NCOR2: variants seen among roughly 807,000 people sequenced by gnomAD.
NCOR2 encodes CTG repeat protein 26.
NCOR2 carries 81 observed loss-of-function variants against 262.9 expected under a neutral mutation model. The observed-to-expected ratio is 0.31, with a 90% CI of 0.26 to 0.37. The LOEUF is 0.37. Ranked by LOEUF, NCOR2 falls within the 10% of genes least tolerant of loss-of-function variation. The pLI is 1.00. For synonymous variants in NCOR2, 1,659 were observed against 1,559.3 expected, an observed-to-expected ratio of 1.06 and a Z score of -1.51; for missense variants, 3,385 against 3,621.4, an observed-to-expected ratio of 0.93 and a Z score of 1.68.
At chr12:124,421,909 C>T (rs950480369) in intron 12 of NCOR2, among the ~76,000 whole-genome samples, 4 of 152,200 alleles carry the variant, frequency 2.6e-5, no homozygotes, top group African/African-American at 4.8e-5. Context: ...GGAGCTGCTC[C>T]GGGCCTGGGC....
upstream of NCOR2, among the ~76,000 whole-genome samples, chr12:124,499,911 C>A (rs938659383): frequency 3.3e-5 from 5 of 152,090 alleles, no homozygotes; most frequent in African/African-American, 1.2e-4. Flanking sequence ...ATCAGGGCAA[C>A]AGCGACAGAG....
intron 15 of NCOR2, among the ~76,000 whole-genome samples, chr12:124,398,499 C>T (rs1263581952): frequency 1.3e-5 from 2 of 152,232 alleles, no homozygotes; most frequent in African/African-American, 4.8e-5. Flanking sequence ...GAAGGGGACA[C>T]TGAAGCAGTC....
At chr12:124,412,908 C>G (rs151213606) in intron 13 of NCOR2, among the ~76,000 whole-genome samples, 2 of 152,050 alleles carry the variant, frequency 1.3e-5, no homozygotes, top group South Asian at 2.1e-4. Flanking sequence ...CAAAGCAGAC[C>G]TTGGCCTCAG....
chr12:124,400,830 G>A (rs1322870287), intron 14 of NCOR2, among the ~76,000 whole-genome samples, 157 bp from the exon 17 acceptor site: 2 of 152,232 alleles, frequency 1.3e-5, no homozygotes, highest in African/African-American at 4.8e-5. Flanking sequence ...AGGTGAGGGT[G>A]GCCAGGGGCA....
At chr12:124,479,702 A>C (rs2047335862) in intron 3 of NCOR2, among the ~76,000 whole-genome samples, 1 of 152,262 alleles carries the variant, frequency 6.6e-6, no homozygotes. Context: ...TGTAACAACA[A>C]AACAAAACAA....
At chr12:124,384,458 G>A (rs573657845) in intron 17 of NCOR2, among the ~76,000 whole-genome samples, 2 of 152,340 alleles carry the variant, frequency 1.3e-5, no homozygotes, top group East Asian at 3.9e-4. Context: ...AAGTGATGGG[G>A]AGGGGCCTCC....
At chr12:124,354,251 G>A (rs2037761115) in intron 26 of NCOR2, 55 bp from the exon 29 acceptor site, 14 of 1,514,034 alleles carry the variant, frequency 9.2e-6, no homozygotes, top group Middle Eastern at 1.7e-4. Context: ...TCCTTCCCCA[G>A]GCCCCAGTCC....
At chr12:124,558,272 C>CA (rs958096062) in intron 1 of NCOR2, among the ~76,000 whole-genome samples, 7 of 151,444 alleles carry the variant, frequency 4.6e-5, no homozygotes, top group Non-Finnish European at 5.9e-5. Context: ...ACCCACCCCC[C>CA]CTCCAGACCT....
Position 124,464,883 on chromosome 12 carries a change from C to T in NCOR2, c.705+1290G>A, listed in dbSNP as rs1015048119. 1.3e-4 allele frequency among the ~76,000 whole-genome samples: 20 copies of T among 152,328 alleles called. No homozygotes were observed. In the East Asian group the frequency reaches 3.7e-3, roughly 28 times the overall value. ...AAGGATGTGTGGCCCCTTGGCTCTCCTATGACTGTTACTAGTGGTGCTTGG... is the reference window on the plus strand; with the variant it reads ...AAGGATGTGTGGCCCCTTGGCTCTCTTATGACTGTTACTAGTGGTGCTTGG... On this transcript the variant is annotated intron_variant, in intron 5 of 46. Transcript: ENST00000405201.
exon 47 of NCOR2, chr12:124,324,486 C>G (rs1055878): frequency 6.6e-6 from 1 of 152,226 alleles, no homozygotes; most frequent in Admixed American, 6.5e-5. Flanking sequence ...GCGCAGATGG[C>G]GGCCACAGAA....
intron 1 of NCOR2, among the ~76,000 whole-genome samples, chr12:124,509,583 T>C (rs1207705911): frequency 1.3e-5 from 2 of 152,134 alleles, no homozygotes; most frequent in Non-Finnish European, 2.9e-5. Context: ...CTAGGTCCCT[T>C]ATCCATGTAG....
At chr12:124,411,207 T>C (rs1414081693) in intron 13 of NCOR2, among the ~76,000 whole-genome samples, 1 of 140,946 alleles carries the variant, frequency 7.1e-6, no homozygotes, top group Middle Eastern at 3.5e-3. Flanking sequence ...CACAGAGAAA[T>C]AGAAAGAGGG....
upstream of NCOR2, among the ~76,000 whole-genome samples, chr12:124,500,182 C>T (rs1311137432): frequency 6.6e-6 from 1 of 151,984 alleles, no homozygotes; most frequent in Non-Finnish European, 1.5e-5. Flanking sequence ...AACGGGGACA[C>T]CAAGGGCCCA....
chr12:124,405,786 A>G (rs767295025), intron 13 of NCOR2, among the ~76,000 whole-genome samples: 1 of 152,074 alleles, frequency 6.6e-6, no homozygotes, highest in Non-Finnish European at 1.5e-5. Flanking sequence ...TCAGCCCCCA[A>G]AGCCTTCTAT....
At chr12:124,515,349 G>C (rs2049668273) in intron 1 of NCOR2, among the ~76,000 whole-genome samples, 3 of 150,894 alleles carry the variant, frequency 2.0e-5, no homozygotes, top group Admixed American at 1.3e-4. Context: ...CTCCAGCCTG[G>C]GTGACGGAGT....
chr12:124,340,190 T>TGCTGCCGCC (rs758952375), exon 37 of NCOR2: 1 of 1,608,686 alleles, frequency 6.2e-7, no homozygotes, highest in Non-Finnish European at 8.5e-7. Context: ...CTGCTGCCGC[T>TGCTGCCGCC]GCTCTGCTCT....
intron 8 of NCOR2, among the ~76,000 whole-genome samples, chr12:124,431,074 C>T (rs1231504050): frequency 6.6e-6 from 1 of 152,016 alleles, no homozygotes; most frequent in Non-Finnish European, 1.5e-5. Flanking sequence ...CAGTCACAGA[C>T]ATGCACATAC....
chr12:124,554,468 C>T (rs1205096633), intron 1 of NCOR2, among the ~76,000 whole-genome samples: 1 of 152,198 alleles, frequency 6.6e-6, no homozygotes, highest in African/African-American at 2.4e-5. Flanking sequence ...CCCTCCCACT[C>T]AACTCCCCTC....
In NCOR2 at chr12:124,432,327, G is replaced by A. The variant is rs1309047376; in HGVS notation, c.883-1540C>T. 6.6e-6 allele frequency among the ~76,000 whole-genome samples: 1 copy of A among 152,198 alleles called. No individual in the cohort carries two copies. Among genetic ancestry groups the A allele is most frequent in the African/African-American group, 2.4e-5 (1 of 41,434 alleles). On this transcript the variant is annotated intron_variant, in intron 8 of 46. Coordinates refer to ENST00000405201, the Ensembl canonical transcript of NCOR2. The surrounding 1 kb of genome is among the most constrained non-coding windows in gnomAD (Gnocchi z 5.1). ...TGAAGAAAACCCACAGACTTCCCCTGAGGACACGGTCACCTCCCTTCCTGG... is the reference window on the plus strand; with the variant it reads ...TGAAGAAAACCCACAGACTTCCCCTAAGGACACGGTCACCTCCCTTCCTGG...
Sources: gnomAD v4.1 joint callset for allele counts (sites outside exome capture counted in the v4.1 genomes callset) on GRCh38, gnomAD v4.1.1 for gene constraint, Gnocchi (gnomAD v3.1) non-coding constraint, MANE v1.5 for transcripts, NCBI Gene and HGNC (gene_info 2026-07-23, HGNC 2026-07-21) for gene names.